Variants in MAST2 observed in about 807,000 individuals in gnomAD.
MAST2 encodes the protein microtubule-associated serine/threonine-protein kinase 2.
MAST2 carries 70 observed loss-of-function variants against 147.4 expected under a neutral mutation model. That is an observed-to-expected ratio of 0.47 (90% CI 0.39 to 0.58). MAST2 has a LOEUF of 0.58. Among genes scored for constraint, MAST2 ranks in the 20% least tolerant of loss-of-function variants. The pLI, the probability that MAST2 is intolerant of heterozygous loss-of-function variation, is 0.00. For missense variants in MAST2, 2,080 were observed against 2,302.3 expected, an observed-to-expected ratio of 0.90 and a Z score of 1.98; for synonymous variants, 869 against 896.8, an observed-to-expected ratio of 0.97 and a Z score of 0.55.
intron 25 of MAST2, 25 bp from the exon 26 acceptor site, chr1:46,032,571 G>A: frequency 6.2e-7 from 1 of 1,612,538 alleles, no homozygotes; most frequent in South Asian, 1.1e-5. Flanking sequence ...GCTCCAGTCT[G>A]AGTACTGTTC....
rs768989525 is a variant in MAST2 at position 46,034,994 on chromosome 1, C to T, written c.4325C>T (p.Pro1442Leu). ...LPHSELKKEL[P>L]PREVSPLEVV... ...CACTCTGAACTAAAGAAGGAACTGC[C>T]GCCCAGGGAAGTGAGCCCTCTGGAG... Residue 1442 changes from proline to leucine, a missense_variant, in exon 29 of 29, where the codon CCG becomes CTG. Pro to Leu is a moderately conservative substitution (Grantham distance 98, BLOSUM62 -3). Coordinates refer to ENST00000361297, the MANE Select transcript of MAST2 (RefSeq NM_015112.3). 4.3e-6 allele frequency: 7 copies of T among 1,614,070 alleles called. No individual in the cohort carries two copies. Among genetic ancestry groups the T allele is most frequent in the Middle Eastern group, 1.6e-4 (1 of 6,062 alleles).
In MAST2 at chr1:45,900,446, ATTTTTTTTTTTTTTTTT is replaced by A. The variant is rs908880746; in HGVS notation, c.500+18065_500+18081del. ...TCTCTGATGATTAGTGATGTTGGAT[ATTTTTTTTTTTTTTTTT>A]TTTTTTTTTTTTTGAGACGGAGTCT... On this transcript the variant is annotated intron_variant, in intron 4 of 28. Coordinates refer to ENST00000361297, the MANE Select transcript of MAST2 (RefSeq NM_015112.3). 2.0e-4 allele frequency among the ~76,000 whole-genome samples: 2 copies of A among 9,950 alleles called. 1 individual carries two copies. Among genetic ancestry groups the A allele is most frequent in the Non-Finnish European group, 2.8e-4 (2 of 7,022 alleles). The allele number at this position is 9,950 out of a possible 152,430, so 6.5% of individuals were successfully genotyped here. A position where few individuals can be genotyped will look rare whatever the true frequency, so the allele number is the denominator to read the frequency against.
intron 4 of MAST2, among the ~76,000 whole-genome samples, chr1:45,902,948 T>C (rs1430899930): frequency 6.6e-6 from 1 of 152,040 alleles, no homozygotes; most frequent in Non-Finnish European, 1.5e-5. Flanking sequence ...TTGTTGCTCC[T>C]TTATGTCATA....
intron 5 of MAST2, among the ~76,000 whole-genome samples, chr1:45,990,016 A>G (rs537155003): frequency 4.1e-4 from 62 of 152,348 alleles, no homozygotes; most frequent in African/African-American, 1.5e-3. Context: ...GTTTTGGGCG[A>G]TCACGAATAA....
At chr1:45,889,033 A>C (rs943010340) in intron 4 of MAST2, among the ~76,000 whole-genome samples, 2 of 152,010 alleles carry the variant, frequency 1.3e-5, no homozygotes, top group African/African-American at 4.8e-5. Context: ...CAGCCATTGT[A>C]ATCTCTTGCC....
At chr1:45,847,592 T>C (rs778184635) in intron 3 of MAST2, 4 of 813,424 alleles carry the variant, frequency 4.9e-6, no homozygotes, top group Non-Finnish European at 7.7e-6. Context: ...ACTTTTTCCC[T>C]TTGGTGCTTT....
At chr1:45,809,339 A>G (rs1644228372) in intron 1 of MAST2, among the ~76,000 whole-genome samples, 1 of 152,200 alleles carries the variant, frequency 6.6e-6, no homozygotes, top group Admixed American at 6.6e-5. Flanking sequence ...GGCCTAACTC[A>G]AATGCCACAG....
chr1:45,932,534 G>A (rs1479201054), intron 4 of MAST2, among the ~76,000 whole-genome samples: 4 of 152,098 alleles, frequency 2.6e-5, no homozygotes, highest in Admixed American at 6.6e-5. Context: ...CTAGCCAGGC[G>A]TGGTGGCTCA....
intron 5 of MAST2, among the ~76,000 whole-genome samples, chr1:45,985,338 TC>T (rs1183779997): frequency 6.6e-6 from 1 of 151,962 alleles, no homozygotes; most frequent in African/African-American, 2.4e-5. Context: ...AGGTGATCCA[TC>T]CGCCTTGGCT....
At position 46,022,888 on chromosome 1, in the gene MAST2, TCTC is replaced by T. The variant is rs776938658; in HGVS notation, c.1424-21_1424-19del. Reference sequence around the variant, plus strand: ...TACCTGACATTGCCACGCACATTCTTCTCTTGTATCTTTGTTTCCAGAAATGGC... The same window carrying T: ...TACCTGACATTGCCACGCACATTCTTTTGTATCTTTGTTTCCAGAAATGGC... On this transcript the variant is annotated intron_variant, in intron 12 of 28. Coordinates refer to ENST00000361297, the MANE Select transcript of MAST2 (RefSeq NM_015112.3). 6.2e-7 allele frequency: 1 copy of T among 1,603,578 alleles called. No homozygotes were observed. Among genetic ancestry groups the T allele is most frequent in the Non-Finnish European group, 8.5e-7 (1 of 1,170,382 alleles).
In MAST2 at chr1:46,023,154, G is replaced by A. The variant is rs1463292424; in HGVS notation, c.1486-79G>A. The A allele has an allele frequency of 5.1e-6, 7 of 1,369,150 alleles. No homozygotes were observed. The East Asian group carries it at 1.4e-4, about 27-fold the overall frequency. 84.8% of individuals were successfully genotyped at this position (1,369,150 alleles called of 1,614,324 possible). Reference sequence around the variant, plus strand: ...CTGCACTAGAGCTGACAGCTGAGAAGATGCTAGAGCCACAGCTTCTGCAAG... The same window carrying A: ...CTGCACTAGAGCTGACAGCTGAGAAAATGCTAGAGCCACAGCTTCTGCAAG... On this transcript the variant is annotated intron_variant, in intron 13 of 28. Coordinates refer to ENST00000361297, the MANE Select transcript of MAST2 (RefSeq NM_015112.3). The surrounding 1 kb of genome is among the most constrained non-coding windows in gnomAD (Gnocchi z 4.9).
In MAST2 at chr1:45,999,581, T is replaced by C. The variant is rs114020719; in HGVS notation, c.668+1782T>C. On this transcript the variant is annotated intron_variant, in intron 6 of 28. Coordinates refer to ENST00000361297, the MANE Select transcript of MAST2 (RefSeq NM_015112.3). ...GCTTAGTTATGTAGTGGTAACAAAA[T>C]AGACATAGTCCCTACTTCCCTGAAA... 2.9e-3 allele frequency among the ~76,000 whole-genome samples: 446 copies of C among 152,306 alleles called. 1 individual carries two copies. Among genetic ancestry groups the C allele is most frequent in the African/African-American group, 0.01 (421 of 41,570 alleles).
intron 4 of MAST2, among the ~76,000 whole-genome samples, chr1:45,944,316 C>T (rs1445615730): frequency 2.0e-5 from 3 of 152,140 alleles, no homozygotes; most frequent in South Asian, 2.1e-4. Context: ...TTCTTTAAAG[C>T]TAATAAAGGG....
intron 27 of MAST2, 53 bp from the exon 28 acceptor site, chr1:46,033,998 GGTGCCTTGGCCCTGGGGGTCCA>G (rs1646789461): frequency 6.2e-7 from 1 of 1,607,596 alleles, no homozygotes; most frequent in Non-Finnish European, 8.5e-7. Context: ...GTACGTGGTG[GGTGCCTTGGCCCTGGGGGTCCA>G]GTGTGTGCTG....
intron 3 of MAST2, among the ~76,000 whole-genome samples, chr1:45,861,749 T>C (rs1321570492): frequency 6.6e-6 from 1 of 151,242 alleles, no homozygotes. Context: ...GCAGAGAGTA[T>C]GGAGAGTTAA....
intron 4 of MAST2, among the ~76,000 whole-genome samples, chr1:45,911,852 TATATTATTATTATTA>T (rs1185101857): frequency 2.3e-5 from 3 of 129,546 alleles, no homozygotes; most frequent in African/African-American, 9.1e-5. Flanking sequence ...TTATTATTGT[TATATTATTATTATTA>T]TTATTATTAT....
chr1:45,805,505 T>C (rs549595854), intron 1 of MAST2, among the ~76,000 whole-genome samples: 1 of 152,198 alleles, frequency 6.6e-6, no homozygotes, highest in African/African-American at 2.4e-5. Flanking sequence ...ATGTGCCTAA[T>C]ACTTATCTTT....
intron 4 of MAST2, among the ~76,000 whole-genome samples, chr1:45,889,741 G>A (rs1318156127): frequency 2.0e-5 from 3 of 151,822 alleles, no homozygotes; most frequent in African/African-American, 4.8e-5. Context: ...GAGTAGCTGG[G>A]ACTACAGGTG....
chr1:45,914,240 C>T (rs1267674866), intron 4 of MAST2, among the ~76,000 whole-genome samples: 1 of 152,226 alleles, frequency 6.6e-6, no homozygotes, highest in Non-Finnish European at 1.5e-5. Context: ...CAAAAAGTAC[C>T]TCCTCCTTTG....
Sources: gnomAD v4.1 joint callset for allele counts (sites outside exome capture counted in the v4.1 genomes callset) on GRCh38, gnomAD v4.1.1 for gene constraint, Gnocchi (gnomAD v3.1) non-coding constraint, MANE v1.5 for transcripts, NCBI Gene and HGNC (gene_info 2026-07-23, HGNC 2026-07-21) for gene names.